The following SORCS1 variants were observed in gnomAD, a reference collection of about 807,000 sequenced individuals.
SORCS1 encodes VPS10 domain-containing receptor SorCS1.
A neutral mutation model predicts 146.1 loss-of-function variants in SORCS1; 60 were observed. That is an observed-to-expected ratio of 0.41 (90% CI 0.33 to 0.51). SORCS1 has a LOEUF of 0.51. Ranked by LOEUF, SORCS1 falls within the 20% of genes least tolerant of loss-of-function variation. The pLI is 0.21. For missense variants in SORCS1, 1,352 were observed against 1,487.6 expected (o/e 0.91, Z 1.50); for synonymous variants, 637 against 584.0 (o/e 1.09, Z -1.31).
intron 5 of SORCS1, among the ~76,000 whole-genome samples, chr10:106,754,063 G>C (rs956907972): frequency 2.1e-4 from 32 of 152,100 alleles, no homozygotes; most frequent in Admixed American, 8.5e-4. Context: ...TCTTCCCCAC[G>C]TCTTTTGGTA....
chr10:106,913,714 T>C (rs985738298), intron 2 of SORCS1, among the ~76,000 whole-genome samples: 2 of 152,186 alleles, frequency 1.3e-5, no homozygotes, highest in African/African-American at 4.8e-5. Context: ...TTGTCTCAGC[T>C]CATAACTTCA....
At chr10:106,972,250 C>A (rs1168475989) in intron 1 of SORCS1, among the ~76,000 whole-genome samples, 2 of 151,868 alleles carry the variant, frequency 1.3e-5, no homozygotes, top group African/African-American at 4.8e-5. Flanking sequence ...GGCATGGTGG[C>A]ATGCACCTGC....
At chr10:106,855,837 G>T (rs187256639) in intron 2 of SORCS1, among the ~76,000 whole-genome samples, 6 of 151,728 alleles carry the variant, frequency 4.0e-5, no homozygotes, top group Admixed American at 6.6e-5. Context: ...AAAAATTATC[G>T]GTTTTTCTAA....
chr10:107,101,843 T>C lies in SORCS1; in HGVS notation c.558+62126A>G, dbSNP rs75037083. Reference sequence around the variant, plus strand: ...TAAAAATAACTGAAATGTCTTTAAGTATGACATTTTCCAGTCAGCTATAAG... The same window carrying C: ...TAAAAATAACTGAAATGTCTTTAAGCATGACATTTTCCAGTCAGCTATAAG... On this transcript the variant is annotated intron_variant, in intron 1 of 25. Coordinates refer to ENST00000263054, the MANE Select transcript of SORCS1 (RefSeq NM_052918.5). Among the ~76,000 whole-genome samples, 5 of 152,172 alleles carry C rather than the reference T, an allele frequency of 3.3e-5. No homozygotes were observed. The East Asian group carries it at 9.6e-4, about 29-fold the overall frequency.
At chr10:106,712,228 T>C (rs1343206031) in intron 6 of SORCS1, among the ~76,000 whole-genome samples, 1 of 152,058 alleles carries the variant, frequency 6.6e-6, no homozygotes, top group African/African-American at 2.4e-5. Context: ...AGGGAAGAAA[T>C]GTAACAATGT....
At chr10:106,972,104 G>A (rs915443052) in intron 1 of SORCS1, among the ~76,000 whole-genome samples, 3 of 152,130 alleles carry the variant, frequency 2.0e-5, no homozygotes, top group Non-Finnish European at 2.9e-5. Context: ...GGTGGTTCAT[G>A]CCTGTAATCA....
intron 1 of SORCS1, among the ~76,000 whole-genome samples, chr10:107,046,240 G>A (rs189691327): frequency 1.1e-4 from 16 of 151,976 alleles, no homozygotes; most frequent in Admixed American, 1.0e-3. Flanking sequence ...CACTGTGCTC[G>A]GCCACCTGGC....
chr10:107,105,912 A>G (rs955067796), intron 1 of SORCS1, among the ~76,000 whole-genome samples: 3 of 152,232 alleles, frequency 2.0e-5, no homozygotes, highest in Non-Finnish European at 4.4e-5. Flanking sequence ...TGTAGTGATC[A>G]GGAAGGAAAG....
chr10:106,967,486 A>G (rs1403909334), intron 1 of SORCS1, among the ~76,000 whole-genome samples: 1 of 152,210 alleles, frequency 6.6e-6, no homozygotes, highest in Non-Finnish European at 1.5e-5. Flanking sequence ...GAAAATGCAT[A>G]TTCAAGACAA....
At chr10:106,862,395 CATTTA>C (rs1209701918) in intron 2 of SORCS1, among the ~76,000 whole-genome samples, 1 of 152,072 alleles carries the variant, frequency 6.6e-6, no homozygotes, top group Non-Finnish European at 1.5e-5. Context: ...TTAATATCAC[CATTTA>C]TTTTGTCCCT....
chr10:106,989,749 C>T (rs1306230715), intron 1 of SORCS1, among the ~76,000 whole-genome samples: 19 of 140,888 alleles, frequency 1.3e-4, no homozygotes, highest in Admixed American at 2.8e-4. Flanking sequence ...TGCAGTGGCG[C>T]GATCTCGGTT....
At chr10:107,000,994 T>G (rs753976308) in intron 1 of SORCS1, among the ~76,000 whole-genome samples, 1 of 152,208 alleles carries the variant, frequency 6.6e-6, no homozygotes, top group African/African-American at 2.4e-5. Flanking sequence ...TTTCTTGACA[T>G]CTTGCCACTT....
At chr10:107,069,851 T>C (rs1165509625) in intron 1 of SORCS1, among the ~76,000 whole-genome samples, 1 of 152,254 alleles carries the variant, frequency 6.6e-6, no homozygotes, top group Non-Finnish European at 1.5e-5. Flanking sequence ...TCCTAAATGT[T>C]ACTATGTAAA....
chr10:106,799,909 G>C (rs929570685), intron 3 of SORCS1, among the ~76,000 whole-genome samples: 1 of 152,172 alleles, frequency 6.6e-6, no homozygotes, highest in Non-Finnish European at 1.5e-5. Flanking sequence ...GGTCCTAAAA[G>C]GGGAATTGCC....
chr10:106,896,889 G>GTTTTTTTTT (rs869027396), intron 2 of SORCS1, among the ~76,000 whole-genome samples: 1 of 119,898 alleles, frequency 8.3e-6, no homozygotes, highest in African/African-American at 3.3e-5. Flanking sequence ...ACCAAATACT[G>GTTTTTTTTT]TTTTTTTTTT....
At chr10:106,797,505 C>T (rs1270119258) in intron 3 of SORCS1, among the ~76,000 whole-genome samples, 1 of 149,608 alleles carries the variant, frequency 6.7e-6, no homozygotes, top group Non-Finnish European at 1.5e-5. Flanking sequence ...AATTTAGTCT[C>T]TTGCTGAGGA....
chr10:106,738,077 T>C (rs1857091413), intron 5 of SORCS1, among the ~76,000 whole-genome samples: 1 of 152,196 alleles, frequency 6.6e-6, no homozygotes, highest in Non-Finnish European at 1.5e-5. Flanking sequence ...TCGTTGTCTA[T>C]TGATGGACGC....
chr10:106,866,798 G>C (rs967570947), intron 2 of SORCS1, among the ~76,000 whole-genome samples: 1 of 152,154 alleles, frequency 6.6e-6, no homozygotes, highest in Non-Finnish European at 1.5e-5. Context: ...AAATAAAAAC[G>C]CTGCAGAAAA....
At chr10:106,719,491 C>A (rs192684552) in intron 6 of SORCS1, among the ~76,000 whole-genome samples, 38 of 151,664 alleles carry the variant, frequency 2.5e-4, no homozygotes, top group African/African-American at 8.7e-4. Flanking sequence ...TGGCTCACTG[C>A]AACCTCCGTC....
Sources: allele counts gnomAD v4.1 joint callset (sites outside exome capture counted in the v4.1 genomes callset), GRCh38; gene constraint gnomAD v4.1.1; transcripts MANE v1.5; gene names NCBI Gene and HGNC (gene_info 2026-07-23, HGNC 2026-07-21).